Variants in KIAA0232 observed in about 807,000 individuals in gnomAD.
KIAA0232 encodes the protein KIAA0232, also known as uncharacterized protein KIAA0232.
KIAA0232 carries 27 observed loss-of-function variants against 122.0 expected under a neutral mutation model. The observed-to-expected ratio is 0.22, with a 90% confidence interval of 0.16 to 0.31. The LOEUF (loss-of-function observed/expected upper bound fraction) is 0.31. KIAA0232 is among the 10% of genes least tolerant of loss of function. The pLI is 1.00. For synonymous variants in KIAA0232, 613 were observed against 587.6 expected (o/e 1.04, Z -0.63); for missense variants, 1,551 against 1,634.2 (o/e 0.95, Z 0.88).
chr4:6,824,941 C>A (rs535248053), intron 3 of KIAA0232, among the ~76,000 whole-genome samples: 1 of 152,320 alleles, frequency 6.6e-6, no homozygotes, highest in Non-Finnish European at 1.5e-5. Context: ...GACTCCAGAT[C>A]TTGTCATGGA....
chr4:6,850,318 TC>T (rs947709943), intron 4 of KIAA0232, among the ~76,000 whole-genome samples: 1 of 152,196 alleles, frequency 6.6e-6, no homozygotes, highest in African/African-American at 2.4e-5. Flanking sequence ...CTAATGACTT[TC>T]CTGGTCATCC....
At chr4:6,866,440 T>G (rs1372568740) in intron 7 of KIAA0232, among the ~76,000 whole-genome samples, 1 of 152,216 alleles carries the variant, frequency 6.6e-6, no homozygotes, top group African/African-American at 2.4e-5. Context: ...CTTCATAGAT[T>G]CATCTGAGAT....
At chr4:6,858,008 G>T (rs1720651491) in intron 5 of KIAA0232, among the ~76,000 whole-genome samples, 1 of 152,196 alleles carries the variant, frequency 6.6e-6, no homozygotes, top group Non-Finnish European at 1.5e-5. Flanking sequence ...AGAGCAAATT[G>T]TAATAAAGAA....
intron 2 of KIAA0232, among the ~76,000 whole-genome samples, chr4:6,806,281 A>T (rs1052744211): frequency 5.3e-5 from 8 of 152,200 alleles, no homozygotes; most frequent in Admixed American, 1.3e-4. Flanking sequence ...GTAAAAAAAA[A>T]TTTTTAATAT....
intron 8 of KIAA0232, among the ~76,000 whole-genome samples, chr4:6,874,222 A>G (rs910535497): frequency 6.6e-6 from 1 of 152,256 alleles, no homozygotes; most frequent in African/African-American, 2.4e-5. Context: ...GGGAATGCAT[A>G]GGCAAACAGA....
chr4:6,831,023 T>C (rs1718946549), intron 3 of KIAA0232, among the ~76,000 whole-genome samples: 1 of 152,004 alleles, frequency 6.6e-6, no homozygotes, highest in Non-Finnish European at 1.5e-5. Flanking sequence ...GCTTTCTTTC[T>C]CTTTTTTTTT....
rs62289439 is a variant in KIAA0232 at position 6,806,105 on chromosome 4, C to T, written c.-270+1499C>T. Reference sequence around the variant, plus strand: ...TTTCTCCTTTTGTCCTGTAAAGTGTCTGCTGTGAGGTTTACCCCTGCTAGG... The same window carrying T: ...TTTCTCCTTTTGTCCTGTAAAGTGTTTGCTGTGAGGTTTACCCCTGCTAGG... On this transcript the variant is annotated intron_variant, in intron 2 of 9. Coordinates refer to ENST00000307659, the MANE Select transcript of KIAA0232 (RefSeq NM_014743.3). Among the ~76,000 whole-genome samples the T allele has an allele frequency of 4.9e-3, 746 of 152,266 alleles. 6 individuals are homozygous for T. Among genetic ancestry groups the T allele is most frequent in the Non-Finnish European group, 6.7e-3 (457 of 68,026 alleles).
Position 6,824,181 on chromosome 4 carries a change from G to T in KIAA0232, c.-269-4G>T. ...ATACTTTTTTTCCTCTCTCATTTTT[G>T]TAGGTTCTGCCGGAGACTTCCATTT... On this transcript the variant is annotated splice_polypyrimidine_tract_variant and splice_region_variant and intron_variant, in intron 2 of 9. Transcript: ENST00000307659. The T allele has an allele frequency of 4.0e-6, 2 of 499,564 alleles. No homozygotes were observed. The highest frequency in any genetic ancestry group is 7.1e-6 in the Non-Finnish European group (2 of 282,912). 30.9% of individuals were successfully genotyped at this position (499,564 alleles called of 1,614,324 possible).
chr4:6,869,637 G>C (rs1252131066), intron 7 of KIAA0232, among the ~76,000 whole-genome samples: 1 of 152,218 alleles, frequency 6.6e-6, no homozygotes, highest in African/African-American at 2.4e-5. Flanking sequence ...ATTAGCAAAG[G>C]TTAACTGACT....
chr4:6,869,973 G>A (rs1017034039), intron 7 of KIAA0232, among the ~76,000 whole-genome samples: 4 of 152,204 alleles, frequency 2.6e-5, no homozygotes, highest in African/African-American at 9.6e-5. Context: ...AGTATTAGGG[G>A]ATGTGGGTGG....
At chr4:6,841,073 C>T (rs1306149451) in intron 3 of KIAA0232, among the ~76,000 whole-genome samples, 1 of 152,108 alleles carries the variant, frequency 6.6e-6, no homozygotes, top group Non-Finnish European at 1.5e-5. Context: ...GTTTATGTAG[C>T]TTTTGCTACA....
chr4:6,798,057 C>CAAAAAAAA (rs549805628), intron 1 of KIAA0232, among the ~76,000 whole-genome samples: 1 of 97,968 alleles, frequency 1.0e-5, no homozygotes. Flanking sequence ...GACTCCGTCT[C>CAAAAAAAA]AAAAAAAAAA....
intron 4 of KIAA0232, among the ~76,000 whole-genome samples, chr4:6,844,137 T>A (rs1366354493): frequency 6.6e-6 from 1 of 151,576 alleles, no homozygotes; most frequent in East Asian, 2.0e-4. Flanking sequence ...TGATGGGGTA[T>A]CACCGTGTTA....
chr4:6,807,373 A>G (rs996499382), intron 2 of KIAA0232, among the ~76,000 whole-genome samples: 3 of 152,214 alleles, frequency 2.0e-5, no homozygotes, highest in African/African-American at 7.2e-5. Flanking sequence ...ACTGGAGCAT[A>G]TATACTTACG....
chr4:6,845,075 A>G (rs948243154), intron 4 of KIAA0232, among the ~76,000 whole-genome samples: 1 of 152,202 alleles, frequency 6.6e-6, no homozygotes, highest in Non-Finnish European at 1.5e-5. Context: ...TCTCTGCTTT[A>G]GCACATAGTG....
At chr4:6,824,785 G>A in intron 3 of KIAA0232, 101 bp downstream of exon 3, 2 of 971,694 alleles carry the variant, frequency 2.1e-6, no homozygotes, top group Non-Finnish European at 3.1e-6. Context: ...AGCTATTCAT[G>A]TGTGTGTGCA....
At chr4:6,845,221 G>A (rs986421354) in intron 4 of KIAA0232, among the ~76,000 whole-genome samples, 1 of 152,226 alleles carries the variant, frequency 6.6e-6, no homozygotes, top group African/African-American at 2.4e-5. Context: ...GCTTGAGCCA[G>A]CCTGATTTGA....
At chr4:6,832,763 C>A (rs1005090225) in intron 3 of KIAA0232, among the ~76,000 whole-genome samples, 18 of 152,192 alleles carry the variant, frequency 1.2e-4, no homozygotes, top group Admixed American at 9.8e-4. Flanking sequence ...CCACATGTTT[C>A]TTTCTCAGGT....
At chr4:6,792,695 G>GTTTT (rs370810631) in intron 1 of KIAA0232, among the ~76,000 whole-genome samples, 1 of 125,290 alleles carries the variant, frequency 8.0e-6, no homozygotes, top group Non-Finnish European at 1.6e-5. Context: ...TTTTTTTTTT[G>GTTTT]TTTTTTTTTT....
Sources: allele counts gnomAD v4.1 joint callset (sites outside exome capture counted in the v4.1 genomes callset), GRCh38; gene constraint gnomAD v4.1.1; transcripts MANE v1.5; gene names NCBI Gene and HGNC (gene_info 2026-07-23, HGNC 2026-07-21).